The following HS3ST3A1 variants were observed in gnomAD, a reference collection of about 807,000 sequenced individuals.
The protein encoded by HS3ST3A1 is heparan sulfate glucosamine 3-O-sulfotransferase 3A1.
In HS3ST3A1, 19 loss-of-function variants were observed where a neutral mutation model predicts 25.7. That is an observed-to-expected ratio of 0.74 (90% CI 0.52 to 1.08). The LOEUF is 1.08. Ranked by LOEUF, HS3ST3A1 falls within the 50% of genes least tolerant of loss-of-function variation. The pLI, the probability that HS3ST3A1 is intolerant of heterozygous loss-of-function variation, is 0.00. For missense variants in HS3ST3A1, 459 were observed against 594.3 expected, an observed-to-expected ratio of 0.77 and a Z score of 2.37; for synonymous variants, 226 against 278.6, an observed-to-expected ratio of 0.81 and a Z score of 1.88.
chr17:13,521,266 C>T (rs1906227770), intron 1 of HS3ST3A1, among the ~76,000 whole-genome samples: 1 of 152,210 alleles, frequency 6.6e-6, no homozygotes, highest in Admixed American at 6.5e-5. Context: ...AGCTTCCCTG[C>T]CCCAGTAGGC....
intron 1 of HS3ST3A1, among the ~76,000 whole-genome samples, chr17:13,564,627 G>C (rs192660198): frequency 9.2e-5 from 14 of 151,670 alleles, no homozygotes; most frequent in African/African-American, 2.4e-4. Flanking sequence ...GTATTGTTTT[G>C]TGGGAGCGGG....
rs537557764 is a variant in HS3ST3A1, at chr17:13,562,346, C to G, written c.599+38185G>C. On this transcript the variant is annotated intron_variant, in intron 1 of 1. Coordinates refer to ENST00000284110, the MANE Select transcript of HS3ST3A1 (RefSeq NM_006042.3). ...GACAGACGTGTGTGCCGTGGACAGA[C>G]AGACAGCCTCGTCTATTCTGCGAAC... is the stretch of plus-strand genomic sequence containing the variant. Among the ~76,000 whole-genome samples the G allele has an allele frequency of 9.9e-5, 15 of 152,252 alleles. 1 individual carries two copies. In the East Asian group the frequency reaches 2.7e-3, roughly 28 times the overall value.
intron 1 of HS3ST3A1, among the ~76,000 whole-genome samples, chr17:13,514,568 C>T (rs763524355): frequency 6.6e-6 from 1 of 152,194 alleles, no homozygotes; most frequent in Non-Finnish European, 1.5e-5. Context: ...CTTGTCCTGG[C>T]ATTAGTAGAG....
At chr17:13,526,946 C>T (rs1906451455) in intron 1 of HS3ST3A1, among the ~76,000 whole-genome samples, 2 of 152,208 alleles carry the variant, frequency 1.3e-5, no homozygotes, top group South Asian at 2.1e-4. Flanking sequence ...AGCCACCGCA[C>T]CCGGCCCACA....
intron 1 of HS3ST3A1, chr17:13,556,034 T>C (rs1327760663): frequency 6.6e-6 from 1 of 152,216 alleles, no homozygotes; most frequent in Non-Finnish European, 1.5e-5. Flanking sequence ...GAAGCCCTTC[T>C]TCAGTACTGA....
chr17:13,559,586 G>A (rs1907472679), intron 1 of HS3ST3A1, among the ~76,000 whole-genome samples: 1 of 148,940 alleles, frequency 6.7e-6, no homozygotes, highest in South Asian at 2.1e-4. Flanking sequence ...GTTTGATCTT[G>A]TATTATATGT....
chr17:13,540,442 AG>A (rs1446919922), intron 1 of HS3ST3A1, among the ~76,000 whole-genome samples: 9 of 152,194 alleles, frequency 5.9e-5, no homozygotes, highest in African/African-American at 2.2e-4. Flanking sequence ...ATCAATTTCT[AG>A]GGTTCCTTCC....
At chr17:13,549,549 G>C (rs925799241) in intron 1 of HS3ST3A1, among the ~76,000 whole-genome samples, 2 of 152,088 alleles carry the variant, frequency 1.3e-5, no homozygotes, top group Non-Finnish European at 2.9e-5. Context: ...ACCGCTGTTC[G>C]ACAATCCTCT....
At chr17:13,527,194 T>TTCCTTTAAAC (rs1278436772) in intron 1 of HS3ST3A1, among the ~76,000 whole-genome samples, 1 of 152,222 alleles carries the variant, frequency 6.6e-6, no homozygotes, top group East Asian at 1.9e-4. Context: ...CCCTCTTTCA[T>TTCCTTTAAAC]TCCTTTAAAC....
intron 1 of HS3ST3A1, among the ~76,000 whole-genome samples, chr17:13,577,890 C>G (rs956138890): frequency 1.4e-4 from 17 of 118,216 alleles, no homozygotes; most frequent in African/African-American, 5.2e-4. Context: ...GTGTGTGTGT[C>G]AAAAGAATTC....
At chr17:13,532,356 A>G (rs918668809) in intron 1 of HS3ST3A1, among the ~76,000 whole-genome samples, 1 of 152,190 alleles carries the variant, frequency 6.6e-6, no homozygotes, top group African/African-American at 2.4e-5. Context: ...TGCCAGGAAG[A>G]CCAGGGGCTG....
Position 13,495,931 on chromosome 17 carries a change from A to G in HS3ST3A1, c.*266T>C, listed in dbSNP as rs933124960. On this transcript the variant is annotated 3_prime_UTR_variant, in exon 2 of 2. Transcript: ENST00000284110. ...AAACTTTTAATGACAACTGATGCTT[A>G]TACTTTATGACTGGGTATATAGAAC... The G allele has an allele frequency of 5.9e-6, 2 of 337,012 alleles. No homozygotes were observed. Among genetic ancestry groups the G allele is most frequent in the Non-Finnish European group, 1.0e-5 (2 of 190,660 alleles). The allele number at this position is 337,012 out of a possible 1,614,324, so 20.9% of individuals were successfully genotyped here.
Position 13,601,370 on chromosome 17 carries a change from C to G in HS3ST3A1, c.-241G>C, listed in dbSNP as rs1598438978. On this transcript the variant is annotated 5_prime_UTR_variant, in exon 1 of 2. Coordinates refer to ENST00000284110, the MANE Select transcript of HS3ST3A1 (RefSeq NM_006042.3). ...GGGAGCGGGAAGGGGAACGCGGGTC[C>G]GTGCTTAAGAAACCATCGTCTTAGA... 2.1e-6 allele frequency: 1 copy of G among 473,148 alleles called. No homozygotes were observed. The highest frequency in any genetic ancestry group is 3.7e-6 in the Non-Finnish European group (1 of 271,930). The allele number at this position is 473,148 out of a possible 1,614,324, so 29.3% of individuals were successfully genotyped here.
chr17:13,574,011 G>A (rs1290071914), intron 1 of HS3ST3A1, among the ~76,000 whole-genome samples: 4 of 151,978 alleles, frequency 2.6e-5, no homozygotes, highest in Non-Finnish European at 5.9e-5. Flanking sequence ...AGTATTTGTT[G>A]TTTAAATCAG....
At chr17:13,548,312 G>C (rs1281079633) in intron 1 of HS3ST3A1, among the ~76,000 whole-genome samples, 1 of 152,126 alleles carries the variant, frequency 6.6e-6, no homozygotes, top group Non-Finnish European at 1.5e-5. Flanking sequence ...TCACATGGAG[G>C]AGTCAGAGAA....
intron 1 of HS3ST3A1, among the ~76,000 whole-genome samples, chr17:13,593,233 CAAAAAAAA>C (rs5819419): frequency 2.9e-5 from 3 of 103,186 alleles, no homozygotes; most frequent in East Asian, 2.8e-4. Flanking sequence ...TGTTTGTAGC[CAAAAAAAA>C]AAAAAAAAAA....
chr17:13,568,958 C>CT (rs1487959836), intron 1 of HS3ST3A1, among the ~76,000 whole-genome samples: 1 of 152,106 alleles, frequency 6.6e-6, no homozygotes. Flanking sequence ...TTATGAGAGA[C>CT]TTTTTTTATT....
At chr17:13,577,893 A>C (rs1442069588) in intron 1 of HS3ST3A1, among the ~76,000 whole-genome samples, 1 of 126,282 alleles carries the variant, frequency 7.9e-6, no homozygotes, top group Non-Finnish European at 1.7e-5. Context: ...TGTGTGTCAA[A>C]AGAATTCTTA....
Position 13,534,547 on chromosome 17 carries a change from C to CAA in HS3ST3A1, c.600-37731_600-37730dup, listed in dbSNP as rs34383911. 6.5e-3 allele frequency among the ~76,000 whole-genome samples: 212 copies of CAA among 32,832 alleles called. 7 individuals are homozygous for CAA. Among genetic ancestry groups the CAA allele is most frequent in the African/African-American group, 0.015 (155 of 10,618 alleles). 21.5% of individuals were successfully genotyped at this position (32,832 alleles called of 152,430 possible). ...GGTGAAACTTCATCTCTACAAAATC[C>CAA]AAAAAAAAAAAAAAAAAAAAAAAAA... On this transcript the variant is annotated intron_variant, in intron 1 of 1. Transcript: ENST00000284110.
Sources: allele counts gnomAD v4.1 joint callset (sites outside exome capture counted in the v4.1 genomes callset), GRCh38; gene constraint gnomAD v4.1.1; transcripts MANE v1.5; gene names NCBI Gene and HGNC (gene_info 2026-07-23, HGNC 2026-07-21).